Variants in PAPPA observed in about 807,000 individuals in gnomAD.
The protein encoded by PAPPA is pappalysin 1.
Under a neutral mutation model 164.0 loss-of-function variants are expected in PAPPA, and 60 were observed. The observed-to-expected ratio is 0.37, with a 90% confidence interval of 0.30 to 0.45. The LOEUF is 0.45. Among genes scored for constraint, PAPPA ranks in the 20% least tolerant of loss-of-function variants. PAPPA has a pLI of 1.00. For missense variants in PAPPA, 1,782 were observed against 2,087.3 expected (o/e 0.85, Z 2.85); for synonymous variants, 875 against 814.1 (o/e 1.07, Z -1.27).
intron 4 of PAPPA, among the ~76,000 whole-genome samples, chr9:116,212,534 T>A (rs1200807761): frequency 6.6e-6 from 1 of 152,178 alleles, no homozygotes; most frequent in Admixed American, 6.5e-5. Context: ...AGAGTTTTTG[T>A]GTTAGTCACA....
intron 21 of PAPPA, among the ~76,000 whole-genome samples, chr9:116,396,271 G>A (rs1403442737): frequency 6.6e-6 from 1 of 152,158 alleles, no homozygotes; most frequent in African/African-American, 2.4e-5. Flanking sequence ...TGAGTACATT[G>A]CCTTACCCCA....
intron 13 of PAPPA, among the ~76,000 whole-genome samples, chr9:116,340,732 T>TA (rs943889092): frequency 8.5e-5 from 13 of 152,336 alleles, no homozygotes; most frequent in Non-Finnish European, 1.6e-4. Context: ...TATCAGAGTT[T>TA]AAAAAACAAT....
Position 116,187,448 on chromosome 9 carries a change from T to G in PAPPA, c.710T>G (p.Val237Gly). 6.2e-7 allele frequency: 1 copy of G among 1,614,158 alleles called. No homozygotes were observed. Among genetic ancestry groups the G allele is most frequent in the African/African-American group, 1.3e-5 (1 of 75,044 alleles). ...IFSPLTQKCK[V>G]LMLGGSALNH... is the part of the protein sequence containing the mutation. ...AGCCCACTGACCCAGAAGTGCAAAG[T>G]GCTCATGTTAGGGGGCAGTGCCCTG... Residue 237 changes from valine to glycine, a missense_variant, in exon 2 of 22, where the codon GTG (valine) becomes GGG (glycine). Coordinates refer to ENST00000328252, the MANE Select transcript of PAPPA (RefSeq NM_002581.5). The surrounding 1 kb of genome is among the most constrained non-coding windows in gnomAD (Gnocchi z 4.2).
chr9:116,359,837 A>AT lies in PAPPA; in HGVS notation c.4348-2753dup, dbSNP rs557562609. 5.9e-5 allele frequency among the ~76,000 whole-genome samples: 9 copies of AT among 152,356 alleles called. No individual in the cohort carries two copies. In the South Asian group the frequency reaches 1.9e-3, roughly 32 times the overall value. On this transcript the variant is annotated intron_variant, in intron 17 of 21. Transcript: ENST00000328252. ...GAGCTAGAAATGTCATCTGGATTCC[A>AT]TTGTAGAAGCCCTGAAGTGCCAACC...
chr9:116,210,937 G>A (rs1340623729), intron 3 of PAPPA, among the ~76,000 whole-genome samples: 3 of 152,098 alleles, frequency 2.0e-5, no homozygotes, highest in African/African-American at 7.2e-5. Context: ...CTTTAGATAA[G>A]TTAACATTCA....
At position 116,396,766 on chromosome 9, in the gene PAPPA, G is replaced by T. The variant is rs1564256006; in HGVS notation, c.*150G>T. 1 of 603,090 alleles carries T rather than the reference G, an allele frequency of 1.7e-6. No individual in the cohort carries two copies. Among genetic ancestry groups the T allele is most frequent in the South Asian group, 2.0e-5 (1 of 48,868 alleles). 37.4% of individuals were successfully genotyped at this position (603,090 alleles called of 1,614,324 possible). On this transcript the variant is annotated 3_prime_UTR_variant, in exon 22 of 22. Coordinates refer to ENST00000328252, the MANE Select transcript of PAPPA (RefSeq NM_002581.5). ...TCTGCCTTTAATTTTACCCAGGAAG[G>T]ACTCACATTGGGGCGAATGAACCAA...
chr9:116,314,286 G>A (rs192710573), intron 10 of PAPPA, among the ~76,000 whole-genome samples: 2 of 151,726 alleles, frequency 1.3e-5, no homozygotes, highest in Admixed American at 1.3e-4. Context: ...GGCCAGGATG[G>A]TCTCGATCTC....
intron 9 of PAPPA, among the ~76,000 whole-genome samples, chr9:116,291,894 TG>T (rs1845441352): frequency 6.6e-6 from 1 of 152,082 alleles, no homozygotes; most frequent in African/African-American, 2.4e-5. Flanking sequence ...TAAAACAATA[TG>T]GTATGCTACT....
intron 21 of PAPPA, among the ~76,000 whole-genome samples, chr9:116,395,149 T>C (rs1846946067): frequency 6.6e-6 from 1 of 152,210 alleles, no homozygotes; most frequent in South Asian, 2.1e-4. Context: ...AATGAGTTCA[T>C]TGAGACTCAG....
intron 1 of PAPPA, among the ~76,000 whole-genome samples, chr9:116,186,438 G>C (rs1405225257): frequency 3.3e-5 from 5 of 152,100 alleles, no homozygotes; most frequent in Non-Finnish European, 5.9e-5. Context: ...TGGAGGTGAT[G>C]ATCTTTGAAA....
chr9:116,398,898 ACT>A lies in PAPPA; in HGVS notation c.*2285_*2286del, dbSNP rs1847006341. 2.8e-6 allele frequency: 1 copy of A among 352,846 alleles called. No individual in the cohort carries two copies. Among genetic ancestry groups the A allele is most frequent in the Non-Finnish European group, 5.6e-6 (1 of 179,870 alleles). 21.9% of individuals were successfully genotyped at this position (352,846 alleles called of 1,614,324 possible). ...TTGAACCCCTCTCCAGTATCTTCAC[ACT>A]CTTGTCAACTCTCCAGGCCTCTCTC... On this transcript the variant is annotated 3_prime_UTR_variant, in exon 22 of 22. Transcript: ENST00000328252.
Position 116,354,866 on chromosome 9 carries a change from A to G in PAPPA, c.4347+1073A>G, listed in dbSNP as rs1400681602. 3.3e-5 allele frequency among the ~76,000 whole-genome samples: 5 copies of G among 152,254 alleles called. No individual in the cohort carries two copies. The East Asian group carries it at 7.7e-4, about 24-fold the overall frequency. On this transcript the variant is annotated intron_variant, in intron 17 of 21. Transcript: ENST00000328252. The stretch of plus-strand genomic sequence containing the variant: ...ACCAGGAGCCCCCGTCCCTTAGGAT[A>G]AAGTCCCAACTCCTTAGGGTGACAT...
At chr9:116,156,030 G>T (rs2096549643) in intron 1 of PAPPA, among the ~76,000 whole-genome samples, 1 of 151,650 alleles carries the variant, frequency 6.6e-6, no homozygotes, top group Admixed American at 6.6e-5. Context: ...TAATGACGAT[G>T]GTGATAATTT....
chr9:116,159,686 G>A (rs188737334), intron 1 of PAPPA, among the ~76,000 whole-genome samples: 6 of 152,306 alleles, frequency 3.9e-5, no homozygotes, highest in Non-Finnish European at 5.9e-5. Flanking sequence ...CCGTTGAGCT[G>A]CCACTCAGTG....
intron 9 of PAPPA, among the ~76,000 whole-genome samples, chr9:116,294,498 C>A (rs996252214): frequency 6.6e-6 from 1 of 152,140 alleles, no homozygotes; most frequent in Admixed American, 6.6e-5. Context: ...GGGTTTGACA[C>A]GAAGCCTTTG....
chr9:116,346,141 G>A (rs1006986989), intron 14 of PAPPA, among the ~76,000 whole-genome samples: 2 of 152,056 alleles, frequency 1.3e-5, no homozygotes, highest in Non-Finnish European at 2.9e-5. Flanking sequence ...AATGTCCTTT[G>A]CTTTTAAAAT....
intron 2 of PAPPA, among the ~76,000 whole-genome samples, chr9:116,193,316 A>G (rs916915792): frequency 2.0e-5 from 3 of 151,960 alleles, no homozygotes; most frequent in Non-Finnish European, 4.4e-5. Context: ...CCCTGCTCTA[A>G]TCAGGGCCAC....
At chr9:116,156,290 A>G (rs13285397) in intron 1 of PAPPA, among the ~76,000 whole-genome samples, 3,981 of 88,662 alleles carry the variant, frequency 0.045, 89 homozygotes, top group Middle Eastern at 0.093. Context: ...GTGTGTGTGT[A>G]TATATATATA....
intron 19 of PAPPA, among the ~76,000 whole-genome samples, chr9:116,374,272 A>G (rs557818358): frequency 2.0e-5 from 3 of 152,092 alleles, no homozygotes; most frequent in Admixed American, 2.0e-4. Context: ...AAGATAGTCT[A>G]TTCTTCCTAC....
Sources: gnomAD v4.1 joint callset for allele counts (sites outside exome capture counted in the v4.1 genomes callset) on GRCh38, gnomAD v4.1.1 for gene constraint, Gnocchi (gnomAD v3.1) non-coding constraint, MANE v1.5 for transcripts, NCBI Gene and HGNC (gene_info 2026-07-23, HGNC 2026-07-21) for gene names.